CXADR: variants seen among roughly 807,000 people sequenced by gnomAD.
CXADR encodes the protein coxsackievirus and adenovirus receptor.
Under a neutral mutation model 40.3 loss-of-function variants are expected in CXADR, and 20 were observed. The ratio of observed to expected loss-of-function variants is 0.50; its 90% CI spans 0.35 to 0.72. The LOEUF (loss-of-function observed/expected upper bound fraction) is 0.72. Ranked by LOEUF, CXADR falls within the 30% of genes least tolerant of loss-of-function variation. CXADR has a pLI of 0.01. For synonymous variants in CXADR, 150 were observed against 161.3 expected (o/e 0.93, Z 0.53); for missense variants, 332 against 449.1 (o/e 0.74, Z 2.36).
intron 1 of CXADR, among the ~76,000 whole-genome samples, chr21:17,521,763 A>C (rs1296086172): frequency 6.6e-6 from 1 of 152,196 alleles, no homozygotes; most frequent in African/African-American, 2.4e-5. Flanking sequence ...CCAGGGGAGA[A>C]GGTAGAAGCC....
the CXADR span, among the ~76,000 whole-genome samples, chr21:17,603,638 T>A: frequency 1.3e-5 from 2 of 152,206 alleles, no homozygotes; most frequent in African/African-American, 4.8e-5. Flanking sequence ...AGGTGAATTG[T>A]ACCTCAAAAC....
At chr21:17,603,487 T>A in the CXADR span, among the ~76,000 whole-genome samples, 1 of 152,174 alleles carries the variant, frequency 6.6e-6, no homozygotes, top group East Asian at 1.9e-4. Context: ...AATGGAAGAA[T>A]AATCATGTAA....
chr21:17,604,441 G>A, the CXADR span, among the ~76,000 whole-genome samples: 52 of 151,550 alleles, frequency 3.4e-4, no homozygotes, highest in Middle Eastern at 3.4e-3. Flanking sequence ...GTGAAACTCC[G>A]TCCCAAAAAA....
At chr21:17,537,908 C>G (rs549685993) in intron 1 of CXADR, among the ~76,000 whole-genome samples, 1 of 151,924 alleles carries the variant, frequency 6.6e-6, no homozygotes, top group Admixed American at 6.6e-5. Context: ...AGTGCTAGTC[C>G]GAGGAGTAAT....
At chr21:17,562,688 A>G (rs1391532383) in intron 6 of CXADR, among the ~76,000 whole-genome samples, 1 of 152,130 alleles carries the variant, frequency 6.6e-6, no homozygotes, top group East Asian at 1.9e-4. Context: ...AAAATCTGTT[A>G]CTTAGTGTAG....
At chr21:17,582,708 G>A (rs182249887) in intron 7 of CXADR, among the ~76,000 whole-genome samples, 1 of 152,334 alleles carries the variant, frequency 6.6e-6, no homozygotes, top group Non-Finnish European at 1.5e-5. Flanking sequence ...CGCCATAACA[G>A]TGTGTCTCCT....
the CXADR span, among the ~76,000 whole-genome samples, chr21:17,632,874 T>TA: frequency 6.6e-6 from 1 of 151,342 alleles, no homozygotes; most frequent in Admixed American, 6.6e-5. Flanking sequence ...TTCAAAAAAA[T>TA]AAAAAAATAA....
chr21:17,513,380 C>G (rs2060416553), intron 1 of CXADR, among the ~76,000 whole-genome samples: 1 of 151,450 alleles, frequency 6.6e-6, no homozygotes, highest in African/African-American at 2.4e-5. Context: ...CCGCGCAGGG[C>G]GCGCGGAGTG....
At chr21:17,550,751 A>G (rs1031175471) in intron 2 of CXADR, among the ~76,000 whole-genome samples, 3 of 152,214 alleles carry the variant, frequency 2.0e-5, no homozygotes, top group African/African-American at 7.2e-5. Context: ...CATAGATTTT[A>G]TTTTCCCTCT....
the CXADR span, chr21:17,609,289 G>T: frequency 2.5e-6 from 2 of 813,322 alleles, no homozygotes; most frequent in Non-Finnish European, 3.7e-6. Flanking sequence ...GCTTATATCT[G>T]AAGTAGAGAA....
At chr21:17,606,939 A>G in the CXADR span, among the ~76,000 whole-genome samples, 11 of 152,284 alleles carry the variant, frequency 7.2e-5, no homozygotes, top group South Asian at 2.3e-3. Flanking sequence ...AATATTGCCA[A>G]ATTGCTCTCT....
the CXADR span, among the ~76,000 whole-genome samples, chr21:17,607,279 G>A: frequency 6.6e-6 from 1 of 151,986 alleles, no homozygotes; most frequent in Non-Finnish European, 1.5e-5. Flanking sequence ...ATAGTATGGT[G>A]GCTTGGCACT....
In CXADR at chr21:17,593,243, A is replaced by C. The variant is rs984695443; in HGVS notation, c.*50A>C. 2.2e-6 allele frequency: 3 copies of C among 1,362,616 alleles called. No homozygotes were observed. In the African/African-American group the frequency reaches 4.5e-5, roughly 20 times the overall value. 84.4% of individuals were successfully genotyped at this position (1,362,616 alleles called of 1,614,324 possible). ...GTATTGTATTATTTGACTTTATTTT[A>C]GGCCTCTAGTAAAGACTTAAATGTT... On this transcript the variant is annotated 3_prime_UTR_variant, in exon 8 of 8. Coordinates refer to the CXADR transcript ENST00000400169.
chr21:17,570,056 G>C lies in CXADR; in HGVS notation c.*4364G>C, dbSNP rs989147529. Reference sequence around the variant, plus strand: ...TTGTTAAGAAAAACAACTTGCTCTAGTTTTGTGACCTTGTGTACTTTTGAA... The same window carrying C: ...TTGTTAAGAAAAACAACTTGCTCTACTTTTGTGACCTTGTGTACTTTTGAA... On this transcript the variant is annotated 3_prime_UTR_variant, in exon 7 of 7. Coordinates refer to ENST00000284878, the MANE Select transcript of CXADR (RefSeq NM_001338.5). 62 of 985,382 alleles carry C rather than the reference G, an allele frequency of 6.3e-5. No individual in the cohort carries two copies. The South Asian group carries it at 1.2e-3, about 19-fold the overall frequency. The allele number at this position is 985,382 out of a possible 1,614,324, so 61.0% of individuals were successfully genotyped here.
chr21:17,513,649 A>G (rs60731928), intron 1 of CXADR, among the ~76,000 whole-genome samples: 1,662 of 152,344 alleles, frequency 0.011, 33 homozygotes, highest in African/African-American at 0.038. Flanking sequence ...TTCAATGGAC[A>G]TGGAGCTGCC....
chr21:17,575,821 C>G (rs1017684018), intron 7 of CXADR, among the ~76,000 whole-genome samples: 1 of 151,544 alleles, frequency 6.6e-6, no homozygotes. Flanking sequence ...GGCGCAGTGG[C>G]TCACGCCTGT....
downstream of CXADR, among the ~76,000 whole-genome samples, chr21:17,572,674 T>C (rs1601044470): frequency 6.6e-6 from 1 of 152,266 alleles, no homozygotes; most frequent in East Asian, 1.9e-4. Flanking sequence ...CCTTTGCAGA[T>C]GACTGATTTC....
intron 1 of CXADR, among the ~76,000 whole-genome samples, chr21:17,543,355 G>A (rs1017062157): frequency 6.6e-6 from 1 of 152,104 alleles, no homozygotes; most frequent in Non-Finnish European, 1.5e-5. Context: ...ATTTTATTTT[G>A]ATCACTTTGT....
intron 7 of CXADR, among the ~76,000 whole-genome samples, chr21:17,580,277 CT>C (rs1193666877): frequency 6.6e-6 from 1 of 152,210 alleles, no homozygotes; most frequent in African/African-American, 2.4e-5. Flanking sequence ...TCTTAAAACA[CT>C]TATGTTCACT....
Sources: gnomAD v4.1 joint callset for allele counts (sites outside exome capture counted in the v4.1 genomes callset) on GRCh38, gnomAD v4.1.1 for gene constraint, MANE v1.5 for transcripts, NCBI Gene and HGNC (gene_info 2026-07-23, HGNC 2026-07-21) for gene names.